The following AUTS2 variants were observed in gnomAD, a reference collection of about 807,000 sequenced individuals.
The protein encoded by AUTS2 is activator of transcription and developmental regulator AUTS2, also known as autism susceptibility gene 2 protein.
Under a neutral mutation model 112.4 loss-of-function variants are expected in AUTS2, and 17 were observed. The observed-to-expected ratio is 0.15, with a 90% CI of 0.10 to 0.23. AUTS2 has a LOEUF of 0.23. Ranked by LOEUF, AUTS2 falls within the 10% of genes least tolerant of loss-of-function variation. AUTS2 has a pLI of 1.00. For synonymous variants in AUTS2, 751 were observed against 702.7 expected (o/e 1.07, Z -1.09); for missense variants, 1,510 against 1,701.6 (o/e 0.89, Z 1.98).
In AUTS2 at chr7:70,275,520, A is replaced by G. The variant is rs549344922; in HGVS notation, c.660+140949A>G. On this transcript the variant is annotated intron_variant, in intron 4 of 18. Coordinates refer to ENST00000342771, the MANE Select transcript of AUTS2 (RefSeq NM_015570.4). ...ATACTCTTAATGCCACTGACCATAT[A>G]CTTAAAAATGGTTAGAATGGTAAAA... Among the ~76,000 whole-genome samples, 11 of 152,226 alleles carry G rather than the reference A, an allele frequency of 7.2e-5. No homozygotes were observed. In the South Asian group the frequency reaches 1.5e-3, roughly 20 times the overall value.
intron 2 of AUTS2, among the ~76,000 whole-genome samples, chr7:70,004,368 A>T (rs1003258429): frequency 3.9e-5 from 5 of 126,598 alleles, no homozygotes; most frequent in African/African-American, 1.2e-4. Flanking sequence ...ATGTATGAAT[A>T]TATATTCATA....
At chr7:70,472,956 T>C (rs1396208525) in intron 5 of AUTS2, among the ~76,000 whole-genome samples, 1 of 152,184 alleles carries the variant, frequency 6.6e-6, no homozygotes, top group Non-Finnish European at 1.5e-5. Context: ...ATCAGTAAAC[T>C]TCGTTGGCTA....
intron 4 of AUTS2, among the ~76,000 whole-genome samples, chr7:70,149,537 T>C (rs1807313382): frequency 6.6e-6 from 1 of 152,070 alleles, no homozygotes; most frequent in Non-Finnish European, 1.5e-5. Flanking sequence ...TTAGAGGAGA[T>C]CATGAATAAA....
chr7:69,696,322 G>A (rs1423985034), intron 1 of AUTS2, among the ~76,000 whole-genome samples: 1 of 152,162 alleles, frequency 6.6e-6, no homozygotes, highest in Non-Finnish European at 1.5e-5. Context: ...CCTTAGTAAC[G>A]TCAGCCTTCT....
chr7:69,676,336 A>T (rs1796561797), intron 1 of AUTS2, among the ~76,000 whole-genome samples: 1 of 152,200 alleles, frequency 6.6e-6, no homozygotes, highest in African/African-American at 2.4e-5. Flanking sequence ...TCTCTGAACA[A>T]ACCTTTTCTC....
chr7:69,648,301 A>T (rs1300980383), intron 1 of AUTS2, among the ~76,000 whole-genome samples: 4 of 152,142 alleles, frequency 2.6e-5, no homozygotes, highest in Non-Finnish European at 5.9e-5. Flanking sequence ...CCCAAAACTC[A>T]TGTACTCATC....
intron 4 of AUTS2, among the ~76,000 whole-genome samples, chr7:70,207,254 G>A (rs1027278861): frequency 1.3e-5 from 2 of 152,062 alleles, no homozygotes; most frequent in Admixed American, 6.5e-5. Context: ...GCTTACATTG[G>A]GTGGGCCCTA....
intron 4 of AUTS2, among the ~76,000 whole-genome samples, chr7:70,402,869 T>G (rs1794382067): frequency 6.6e-6 from 1 of 152,178 alleles, no homozygotes; most frequent in African/African-American, 2.4e-5. Context: ...TTACTGGGTT[T>G]TTCCCCAGTC....
At chr7:70,601,532 C>A (rs575454497) in intron 5 of AUTS2, among the ~76,000 whole-genome samples, 1 of 152,126 alleles carries the variant, frequency 6.6e-6, no homozygotes, top group East Asian at 1.9e-4. Context: ...AGCCCACTGT[C>A]GAGGGTTAGC....
chr7:69,920,974 A>G (rs1362763132), intron 2 of AUTS2, among the ~76,000 whole-genome samples: 2 of 152,142 alleles, frequency 1.3e-5, no homozygotes. Context: ...TTTTTCACTA[A>G]TCTCCCTCGT....
At chr7:70,428,601 T>C (rs189003769) in intron 4 of AUTS2, among the ~76,000 whole-genome samples, 1 of 152,322 alleles carries the variant, frequency 6.6e-6, no homozygotes, top group African/African-American at 2.4e-5. Context: ...TCCCTCATTT[T>C]CCTCTCATTT....
intron 6 of AUTS2, among the ~76,000 whole-genome samples, chr7:70,758,808 A>G (rs1420900435): frequency 1.3e-5 from 2 of 152,224 alleles, no homozygotes; most frequent in Non-Finnish European, 2.9e-5. Flanking sequence ...CAGTAAGACA[A>G]ATTGACTGTC....
intron 4 of AUTS2, among the ~76,000 whole-genome samples, chr7:70,394,323 C>T (rs1251028878): frequency 6.6e-6 from 1 of 152,162 alleles, no homozygotes; most frequent in Admixed American, 6.5e-5. Context: ...CCCCATTTTA[C>T]AGATGAGAAC....
chr7:69,599,593 T>G lies in AUTS2; in HGVS notation c.-61T>G, dbSNP rs566836925. ...GGGAGGGCTCGGTGTCAATTTTTTT[T>G]TGTGTGGCTGCGGCCGTAGCCTGTG... On this transcript the variant is annotated 5_prime_UTR_variant, in exon 1 of 19. Transcript: ENST00000342771. The surrounding 1 kb of genome is among the most constrained non-coding windows in gnomAD (Gnocchi z 7.0). The G allele has an allele frequency of 1.1e-4, 133 of 1,241,500 alleles. No homozygotes were observed. Among genetic ancestry groups the G allele is most frequent in the East Asian group, 9.4e-4 (29 of 30,934 alleles). The allele number at this position is 1,241,500 out of a possible 1,614,324, so 76.9% of individuals were successfully genotyped here.
At chr7:69,792,723 G>C (rs1789670253) in intron 1 of AUTS2, among the ~76,000 whole-genome samples, 1 of 152,044 alleles carries the variant, frequency 6.6e-6, no homozygotes, top group African/African-American at 2.4e-5. Flanking sequence ...CTGAGTATCT[G>C]AATTGCCTAA....
At chr7:70,788,024 G>T (rs1791627109) in intron 18 of AUTS2, among the ~76,000 whole-genome samples, 1 of 151,958 alleles carries the variant, frequency 6.6e-6, no homozygotes, top group African/African-American at 2.4e-5. Context: ...GTTAACCGTT[G>T]TCTCTGCACT....
At chr7:69,988,458 C>T (rs1027390131) in intron 2 of AUTS2, among the ~76,000 whole-genome samples, 1 of 152,162 alleles carries the variant, frequency 6.6e-6, no homozygotes, top group African/African-American at 2.4e-5. Context: ...TATCTGCAAG[C>T]ATGGATAACA....
At chr7:70,545,712 G>A (rs1254605304) in intron 5 of AUTS2, among the ~76,000 whole-genome samples, 4 of 152,122 alleles carry the variant, frequency 2.6e-5, no homozygotes, top group Non-Finnish European at 4.4e-5. Flanking sequence ...TTGGCTAGAC[G>A]ATCATTCAGA....
At chr7:69,659,104 A>G (rs749726510) in intron 1 of AUTS2, among the ~76,000 whole-genome samples, 1 of 152,214 alleles carries the variant, frequency 6.6e-6, no homozygotes, top group Non-Finnish European at 1.5e-5. Context: ...TGTCTTTAAA[A>G]TGACCAGTGC....
Sources: allele counts gnomAD v4.1 joint callset (sites outside exome capture counted in the v4.1 genomes callset), GRCh38; gene constraint gnomAD v4.1.1; non-coding constraint Gnocchi (gnomAD v3.1); transcripts MANE v1.5; gene names NCBI Gene and HGNC (gene_info 2026-07-23, HGNC 2026-07-21).